The following CPT1A variants were observed in gnomAD, a reference collection of about 807,000 sequenced individuals.
CPT1A encodes carnitine O-palmitoyltransferase 1, liver isoform.
In CPT1A, 64 loss-of-function variants were observed where a neutral mutation model predicts 100.8. The observed-to-expected ratio is 0.63, with a 90% CI of 0.52 to 0.78. The LOEUF (loss-of-function observed/expected upper bound fraction) is 0.78, where lower values mean the gene tolerates loss of function less well. CPT1A is among the 30% of genes least tolerant of loss of function. The pLI, the probability that CPT1A is intolerant of heterozygous loss-of-function variation, is 0.00. For synonymous variants in CPT1A, 363 were observed against 396.0 expected (o/e 0.92, Z 0.99); for missense variants, 802 against 1,034.1 (o/e 0.78, Z 3.08).
intron 14 of CPT1A, among the ~76,000 whole-genome samples, chr11:68,767,792 T>C (rs983216936): frequency 6.6e-6 from 1 of 152,096 alleles, no homozygotes; most frequent in Non-Finnish European, 1.5e-5. Flanking sequence ...AAAGGCGAAA[T>C]GTCTCCACTC....
chr11:68,831,514 C>G (rs1330363492), intron 1 of CPT1A, among the ~76,000 whole-genome samples: 2 of 152,156 alleles, frequency 1.3e-5, no homozygotes, highest in Admixed American at 6.5e-5. Flanking sequence ...GGGCAGAAGT[C>G]TTTCAACACA....
At chr11:68,825,610 TG>T (rs2154002166) in intron 1 of CPT1A, among the ~76,000 whole-genome samples, 1 of 152,196 alleles carries the variant, frequency 6.6e-6, no homozygotes, top group East Asian at 1.9e-4. Flanking sequence ...TTTATGACCC[TG>T]GTGTAAAAAG....
chr11:68,821,400 G>C (rs367545961), intron 1 of CPT1A, among the ~76,000 whole-genome samples: 1 of 151,882 alleles, frequency 6.6e-6, no homozygotes, highest in Non-Finnish European at 1.5e-5. Context: ...TGATCCACCC[G>C]CCTCAGCCTC....
In CPT1A at chr11:68,803,046, G is replaced by A. The variant is rs563869322; in HGVS notation, c.555+954C>T. Among the ~76,000 whole-genome samples, 19 of 152,268 alleles carry A rather than the reference G, an allele frequency of 1.2e-4. No homozygotes were observed. In the East Asian group the frequency reaches 3.3e-3, roughly 26 times the overall value. On this transcript the variant is annotated intron_variant, in intron 5 of 18. Transcript: ENST00000265641. ...CAAGAAGCACCCTGTCCTCAGACCG[G>A]CTAGAAGCTGACTATCACCCCACCC...
In CPT1A at chr11:68,814,852, A is replaced by G. The variant is rs187504946; in HGVS notation, c.141+482T>C. Reference sequence around the variant, plus strand: ...CAGGTGCATGCCAACATACCTGCCTAATTTTTCTATTTTTTGTAGAGATGG... The same window carrying G: ...CAGGTGCATGCCAACATACCTGCCTGATTTTTCTATTTTTTGTAGAGATGG... On this transcript the variant is annotated intron_variant, in intron 2 of 18. Coordinates refer to ENST00000265641, the MANE Select transcript of CPT1A (RefSeq NM_001876.4). 6.5e-4 allele frequency among the ~76,000 whole-genome samples: 98 copies of G among 151,692 alleles called. 1 individual carries two copies. The highest frequency in any genetic ancestry group is 2.3e-3 in the African/African-American group (94 of 41,328).
intron 7 of CPT1A, among the ~76,000 whole-genome samples, chr11:68,796,388 C>T (rs1855755863): frequency 6.6e-6 from 1 of 152,092 alleles, no homozygotes; most frequent in South Asian, 2.1e-4. Context: ...CAAACCCCGT[C>T]TCTACTAAAA....
chr11:68,812,309 G>A (rs866592097), intron 3 of CPT1A, 128 bp downstream of exon 3: 6 of 1,336,956 alleles, frequency 4.5e-6, no homozygotes, highest in Middle Eastern at 3.7e-4. Context: ...GAAAGCTGAC[G>A]TGAGAACAGC....
At position 68,784,940 on chromosome 11, in the gene CPT1A, C is replaced by A. The variant is rs1386534182; in HGVS notation, c.1038G>T (p.Trp346Cys). 9 of 1,614,078 alleles carry A rather than the reference C, an allele frequency of 5.6e-6. No individual in the cohort carries two copies. The highest frequency in any genetic ancestry group is 7.6e-6 in the Non-Finnish European group (9 of 1,180,024). ...VYHRGRYFKV[W>C]LYHDGRLLKP... The stretch of plus-strand genomic sequence containing the variant: ...TCAGCAGCCGCCCATCATGGTAGAG[C>A]CAGACCTTGAAGTAGCGTCCTCGAT... Residue 346 changes from tryptophan (W) to cysteine (C), a missense_variant, in exon 10 of 19, where the codon TGG becomes TGT. Physicochemically the swap from Trp to Cys is radical, Grantham distance 215. Transcript: ENST00000265641.
intron 1 of CPT1A, among the ~76,000 whole-genome samples, chr11:68,835,492 G>A (rs941651700): frequency 1.5e-4 from 23 of 152,154 alleles, no homozygotes; most frequent in African/African-American, 5.1e-4. Flanking sequence ...AAAATACATT[G>A]GTGTCCCTAA....
intron 1 of CPT1A, among the ~76,000 whole-genome samples, chr11:68,815,955 G>A (rs1199526639): frequency 1.0e-4 from 6 of 57,696 alleles, no homozygotes; most frequent in African/African-American, 1.4e-4. Context: ...GGACATTCCC[G>A]GGAACCACGC....
intron 8 of CPT1A, among the ~76,000 whole-genome samples, chr11:68,794,247 GA>G (rs1212964429): frequency 6.6e-6 from 1 of 152,162 alleles, no homozygotes; most frequent in African/African-American, 2.4e-5. Flanking sequence ...TAGAGTGACA[GA>G]TAGTAGACCA....
At chr11:68,795,773 T>G (rs998128350) in intron 7 of CPT1A, among the ~76,000 whole-genome samples, 2 of 151,506 alleles carry the variant, frequency 1.3e-5, no homozygotes, top group Non-Finnish European at 2.9e-5. Context: ...AGCCGGGCGT[T>G]GTGGCAGGTG....
rs182453463 is a variant in CPT1A at position 68,793,471 on chromosome 11, T to C, written c.880-69A>G. 166 of 1,306,752 alleles carry C rather than the reference T, an allele frequency of 1.3e-4. 2 individuals are homozygous for C. In the African/African-American group the frequency reaches 2.2e-3, roughly 17 times the overall value. 80.9% of individuals were successfully genotyped at this position (1,306,752 alleles called of 1,614,324 possible). A position where few individuals can be genotyped will look rare whatever the true frequency, so the allele number is the denominator to read the frequency against. On this transcript the variant is annotated intron_variant, in intron 8 of 18. Coordinates refer to ENST00000265641, the MANE Select transcript of CPT1A (RefSeq NM_001876.4). ...GAAGAAAAGCAGCAAGTTGGCCGGG[T>C]GCGGTGGCTCACGCCTGTAATCCCA...
rs544768058 is a variant in CPT1A at position 68,755,363 on chromosome 11, T to A, written c.*2281A>T. 1 of 155,940 alleles carries A rather than the reference T, an allele frequency of 6.4e-6. No individual in the cohort carries two copies. Among genetic ancestry groups the A allele is most frequent in the South Asian group, 2.0e-4 (1 of 5,010 alleles). 9.7% of individuals were successfully genotyped at this position (155,940 alleles called of 1,614,324 possible). ...CTTGCCCAGGGCAGAGAGAGCTACA[T>A]CCCCGCTGCCTGCTTGACGGACAGT... On this transcript the variant is annotated 3_prime_UTR_variant, in exon 19 of 19. Coordinates refer to ENST00000265641, the MANE Select transcript of CPT1A (RefSeq NM_001876.4).
At chr11:68,757,762 T>G (rs1401305087) in intron 18 of CPT1A, 32 bp from the exon 19 acceptor site, 1 of 1,587,454 alleles carries the variant, frequency 6.3e-7, no homozygotes, top group South Asian at 1.1e-5. Context: ...CAAAAACCTA[T>G]TAAAACGTGG....
chr11:68,793,589 CA>C (rs1173692895), intron 8 of CPT1A, among the ~76,000 whole-genome samples, 187 bp from the exon 9 acceptor site: 5 of 151,612 alleles, frequency 3.3e-5, no homozygotes, highest in African/African-American at 4.8e-5. Flanking sequence ...ACTAAAAATA[CA>C]AAAAAATTAG....
intron 14 of CPT1A, among the ~76,000 whole-genome samples, chr11:68,771,274 T>C (rs1370296664): frequency 6.6e-6 from 1 of 152,246 alleles, no homozygotes. Flanking sequence ...TTTCAAAATG[T>C]ACTAAACTGG....
intron 7 of CPT1A, among the ~76,000 whole-genome samples, chr11:68,796,110 C>T (rs1373372021): frequency 1.3e-5 from 2 of 152,114 alleles, no homozygotes; most frequent in Non-Finnish European, 2.9e-5. Context: ...AAACTACCGT[C>T]GATGCACACC....
In CPT1A at chr11:68,757,651, T is replaced by C; in HGVS notation, c.2315A>G (p.Lys772Arg). 1 of 1,614,184 alleles carries C rather than the reference T, an allele frequency of 6.2e-7. No homozygotes were observed. Among genetic ancestry groups the C allele is most frequent in the Non-Finnish European group, 8.5e-7 (1 of 1,180,018 alleles). The change falls in exon 19 of 19, where the codon AAA (lysine) becomes AGA (arginine). Residue 772 changes from lysine (K) to arginine (R), a missense_variant. By Grantham distance (26) the Lys-to-Arg change is conservative (BLOSUM62 2). Coordinates refer to ENST00000265641, the MANE Select transcript of CPT1A (RefSeq NM_001876.4). ...ITLFGLSSNS[K>R]K The stretch of plus-strand genomic sequence containing the variant: ...CCAGCAGCTCCAGTGGAATTACTTT[T>C]TGGAATTAGAACTGAGACCAAACAA...
Sources: allele counts gnomAD v4.1 joint callset (sites outside exome capture counted in the v4.1 genomes callset), GRCh38; gene constraint gnomAD v4.1.1; transcripts MANE v1.5; gene names NCBI Gene and HGNC (gene_info 2026-07-23, HGNC 2026-07-21).